Variants in FAR2 observed in about 807,000 individuals in gnomAD.
FAR2 encodes the protein fatty acyl-CoA reductase 2, also known as epididymis secretory protein Li 81.
FAR2 carries 19 observed loss-of-function variants against 56.0 expected under a neutral mutation model. That is an observed-to-expected ratio of 0.34 (90% CI 0.24 to 0.50). The LOEUF is 0.50. FAR2 is among the 20% of genes least tolerant of loss of function. FAR2 has a pLI of 0.98. For missense variants in FAR2, 508 were observed against 642.2 expected (o/e 0.79, Z 2.26); for synonymous variants, 219 against 218.8 (o/e 1.00, Z -0.01).
At chr12:29,278,354 T>C (rs1373269641) in intron 2 of FAR2, among the ~76,000 whole-genome samples, 1 of 152,156 alleles carries the variant, frequency 6.6e-6, no homozygotes, top group Non-Finnish European at 1.5e-5. Context: ...TTTTTTAAAT[T>C]TCTGAGACAT....
chr12:29,274,194 TC>T (rs1948667659), intron 2 of FAR2, among the ~76,000 whole-genome samples: 1 of 43,010 alleles, frequency 2.3e-5, no homozygotes, highest in Non-Finnish European at 4.3e-5. Context: ...CCCTCCCCCC[TC>T]CCCCCACCCC....
intron 1 of FAR2, among the ~76,000 whole-genome samples, chr12:29,210,733 C>G (rs946222988): frequency 6.6e-6 from 1 of 152,106 alleles, no homozygotes; most frequent in Non-Finnish European, 1.5e-5. Context: ...GTGGGCAGAT[C>G]ATGAGGTCAG....
At chr12:29,255,175 A>T (rs1217825231) in intron 1 of FAR2, among the ~76,000 whole-genome samples, 1 of 152,172 alleles carries the variant, frequency 6.6e-6, no homozygotes, top group Non-Finnish European at 1.5e-5. Context: ...AGAATTCAAG[A>T]TCAAGGTGGT....
At chr12:29,325,953 G>A (rs1380197938) in intron 10 of FAR2, among the ~76,000 whole-genome samples, 3 of 152,140 alleles carry the variant, frequency 2.0e-5, no homozygotes, top group African/African-American at 7.2e-5. Context: ...AAAAATCAGT[G>A]AATCCAGGAG....
intron 2 of FAR2, among the ~76,000 whole-genome samples, chr12:29,287,555 C>T (rs1948898591): frequency 2.0e-5 from 3 of 152,140 alleles, no homozygotes; most frequent in South Asian, 4.2e-4. Flanking sequence ...TCTCTTTCAC[C>T]TTGGGACACC....
chr12:29,196,971 A>T (rs1279866162), intron 1 of FAR2, among the ~76,000 whole-genome samples: 1 of 152,196 alleles, frequency 6.6e-6, no homozygotes, highest in African/African-American at 2.4e-5. Context: ...TATGCTTATA[A>T]GTAAAAGAAC....
chr12:29,173,875 A>C (rs1196624808), intron 1 of FAR2, among the ~76,000 whole-genome samples: 1 of 152,100 alleles, frequency 6.6e-6, no homozygotes, highest in Non-Finnish European at 1.5e-5. Flanking sequence ...AGGACTGAGG[A>C]AGGTTGGATT....
intron 1 of FAR2, among the ~76,000 whole-genome samples, chr12:29,154,609 A>G (rs553927126): frequency 1.3e-5 from 2 of 151,804 alleles, no homozygotes; most frequent in African/African-American, 4.8e-5. Context: ...TAATTTTTGT[A>G]TTTTTAGTAG....
At chr12:29,329,202 A>C (rs1402310294) in intron 10 of FAR2, among the ~76,000 whole-genome samples, 2 of 152,236 alleles carry the variant, frequency 1.3e-5, no homozygotes, top group Non-Finnish European at 2.9e-5. Context: ...ATGATGATTA[A>C]GCCAGTTTAT....
intron 9 of FAR2, among the ~76,000 whole-genome samples, chr12:29,318,974 CTT>C (rs35945379): frequency 4.0e-5 from 6 of 148,830 alleles, no homozygotes; most frequent in Non-Finnish European, 7.4e-5. Context: ...GTACAAAAGT[CTT>C]TTTTTTTTCT....
At chr12:29,181,018 T>C (rs1468799418) in intron 1 of FAR2, among the ~76,000 whole-genome samples, 1 of 152,170 alleles carries the variant, frequency 6.6e-6, no homozygotes, top group Non-Finnish European at 1.5e-5. Flanking sequence ...ATGTTGTATC[T>C]AGTTTTATTA....
intron 1 of FAR2, among the ~76,000 whole-genome samples, chr12:29,163,257 G>A (rs1949797686): frequency 6.6e-6 from 1 of 152,122 alleles, no homozygotes; most frequent in Admixed American, 6.5e-5. Flanking sequence ...TGTTAAATGG[G>A]GTTTATAATA....
chr12:29,283,636 T>C (rs1440924734), intron 2 of FAR2, among the ~76,000 whole-genome samples: 2 of 152,208 alleles, frequency 1.3e-5, no homozygotes, highest in Admixed American at 6.5e-5. Flanking sequence ...TTCTAAGTAT[T>C]CAACATTGCT....
intron 1 of FAR2, among the ~76,000 whole-genome samples, chr12:29,213,706 A>AAG (rs58900711): frequency 6.6e-6 from 1 of 151,380 alleles, no homozygotes; most frequent in Non-Finnish European, 1.5e-5. Context: ...AAAAAAAAAA[A>AAG]GATTAAGTCT....
intron 1 of FAR2, among the ~76,000 whole-genome samples, chr12:29,180,511 G>A (rs73073782): frequency 6.6e-6 from 1 of 152,060 alleles, no homozygotes; most frequent in Non-Finnish European, 1.5e-5. Flanking sequence ...CCATTCACTT[G>A]TGGCTCAACT....
chr12:29,270,548 C>T lies in FAR2; in HGVS notation c.99C>T (p.Thr33=). Residue 33 remains threonine, a synonymous_variant, in exon 2 of 12, where the codon ACC becomes ACT. Coordinates refer to ENST00000536681, the MANE Select transcript of FAR2 (RefSeq NM_001271783.2). The stretch of plus-strand genomic sequence containing the variant: ...TGCTGATGGAGAAGCTGTTTCGCAC[C>T]AGCCCAGACCTGAAAGTCATTTACA... The part of the protein sequence containing the change: ...GKVLMEKLFR[T]SPDLKVIYIL... 2 of 1,614,042 alleles carry T rather than the reference C, an allele frequency of 1.2e-6. No homozygotes were observed. Among genetic ancestry groups the T allele is most frequent in the Non-Finnish European group, 1.7e-6 (2 of 1,179,934 alleles).
intron 1 of FAR2, among the ~76,000 whole-genome samples, chr12:29,240,787 G>A (rs1948017404): frequency 7.3e-6 from 1 of 137,106 alleles, no homozygotes; most frequent in South Asian, 2.5e-4. Flanking sequence ...CATTGTGTGT[G>A]TGTGTGTATG....
chr12:29,238,811 A>G (rs1947981106), intron 1 of FAR2, among the ~76,000 whole-genome samples: 1 of 152,220 alleles, frequency 6.6e-6, no homozygotes, highest in Non-Finnish European at 1.5e-5. Context: ...AAAATAAGCC[A>G]ACTAAGGAAA....
intron 1 of FAR2, among the ~76,000 whole-genome samples, chr12:29,175,188 G>A (rs1385023642): frequency 2.0e-5 from 3 of 152,210 alleles, no homozygotes; most frequent in East Asian, 3.9e-4. Context: ...CCCACTTGGC[G>A]ATAGCTGATT....
Sources: gnomAD v4.1 joint callset for allele counts (sites outside exome capture counted in the v4.1 genomes callset) on GRCh38, gnomAD v4.1.1 for gene constraint, MANE v1.5 for transcripts, NCBI Gene and HGNC (gene_info 2026-07-23, HGNC 2026-07-21) for gene names.